The following CAPN13 variants were observed in gnomAD, a reference collection of about 807,000 sequenced individuals.
CAPN13 encodes calpain-13.
In CAPN13, 90 loss-of-function variants were observed where a neutral mutation model predicts 98.4. That is an observed-to-expected ratio of 0.92 (90% CI 0.77 to 1.09). CAPN13 has a LOEUF of 1.09. Ranked by LOEUF, CAPN13 falls within the 50% of genes least tolerant of loss-of-function variation. CAPN13 has a pLI of 0.00. For synonymous variants in CAPN13, 330 were observed against 305.5 expected, an observed-to-expected ratio of 1.08 and a Z score of -0.84; for missense variants, 887 against 841.3, an observed-to-expected ratio of 1.05 and a Z score of -0.67.
chr2:30,757,295 A>G (rs564520815), intron 8 of CAPN13, among the ~76,000 whole-genome samples: 26 of 152,142 alleles, frequency 1.7e-4, no homozygotes, highest in Admixed American at 4.6e-4. Context: ...TGTCTCTTTC[A>G]TAGTCAGCAA....
chr2:30,734,446 T>A lies in CAPN13; in HGVS notation c.1798+3A>T. On this transcript the variant is annotated splice_donor_region_variant and intron_variant, in intron 19 of 22. Coordinates refer to ENST00000295055, the MANE Select transcript of CAPN13 (RefSeq NM_144575.3). The stretch of plus-strand genomic sequence containing the variant: ...CACCACAGCTCCAAAGTCCCCATTG[T>A]ACCTGTATTCTCTATGGCCTTCCAC... 1 of 1,612,766 alleles carries A rather than the reference T, an allele frequency of 6.2e-7. No homozygotes were observed. The highest frequency in any genetic ancestry group is 8.5e-7 in the Non-Finnish European group (1 of 1,178,864).
At chr2:30,767,907 T>G (rs905643495) in intron 5 of CAPN13, among the ~76,000 whole-genome samples, 3 of 152,006 alleles carry the variant, frequency 2.0e-5, no homozygotes, top group African/African-American at 7.2e-5. Flanking sequence ...CCTGGCCAGG[T>G]GAGTAAAGAC....
intron 2 of CAPN13, among the ~76,000 whole-genome samples, chr2:30,780,551 T>G (rs1673933943): frequency 6.7e-6 from 1 of 148,376 alleles, no homozygotes; most frequent in African/African-American, 2.5e-5. Context: ...ACAATAAAAG[T>G]TAAAAACAAA....
At chr2:30,800,632 G>GT (rs1444672551) in intron 1 of CAPN13, among the ~76,000 whole-genome samples, 2 of 152,196 alleles carry the variant, frequency 1.3e-5, no homozygotes, top group Non-Finnish European at 2.9e-5. Context: ...GTAAGATTCT[G>GT]TATTTCTGGA....
At chr2:30,757,472 C>T (rs1672512256) in intron 8 of CAPN13, among the ~76,000 whole-genome samples, 2 of 152,156 alleles carry the variant, frequency 1.3e-5, no homozygotes, top group Admixed American at 6.5e-5. Context: ...TCCCAGGCGC[C>T]GAGTACTCAT....
At chr2:30,804,710 C>G (rs6735205) in intron 1 of CAPN13, among the ~76,000 whole-genome samples, 115,154 of 152,074 alleles carry the variant, frequency 0.76, 44,379 homozygotes, top group African/African-American at 0.88. Flanking sequence ...ATTCTGCTCC[C>G]ATCTTTTGCA....
At chr2:30,738,900 C>T (rs541388386) in intron 15 of CAPN13, among the ~76,000 whole-genome samples, 4 of 151,824 alleles carry the variant, frequency 2.6e-5, no homozygotes, top group East Asian at 3.9e-4. Flanking sequence ...TGTGTGTGTG[C>T]GTGCACGTGT....
chr2:30,766,976 G>A (rs561860096), intron 5 of CAPN13, among the ~76,000 whole-genome samples: 162 of 152,336 alleles, frequency 1.1e-3, no homozygotes, highest in African/African-American at 3.8e-3. Context: ...TGGACAGATG[G>A]GCTCTCTACA....
In CAPN13 at chr2:30,776,096, C is replaced by T. The variant is rs1189259066; in HGVS notation, c.272-51G>A. On this transcript the variant is annotated intron_variant, in intron 3 of 22. Coordinates refer to ENST00000295055, the MANE Select transcript of CAPN13 (RefSeq NM_144575.3). ...GGCTGATTGGACACACTTGGAAACC[C>T]TCCCCCATAATTTCAAAGGTCCTTA... The T allele has an allele frequency of 4.0e-6, 5 of 1,243,734 alleles. No individual in the cohort carries two copies. The East Asian group carries it at 7.3e-5, about 18-fold the overall frequency. The allele number at this position is 1,243,734 out of a possible 1,614,324, so 77.0% of individuals were successfully genotyped here. A position where few individuals can be genotyped will look rare whatever the true frequency, so the allele number is the denominator to read the frequency against.
At chr2:30,741,102 T>G (rs1210423065) in intron 15 of CAPN13, among the ~76,000 whole-genome samples, 1 of 152,190 alleles carries the variant, frequency 6.6e-6, no homozygotes. Context: ...GCCCAGATGG[T>G]GGACCTGGAT....
intron 14 of CAPN13, 68 bp from the exon 15 acceptor site, chr2:30,742,032 G>T: frequency 1.4e-6 from 2 of 1,411,172 alleles, no homozygotes; most frequent in Non-Finnish European, 2.0e-6. Context: ...GGTACAGCAA[G>T]GGTGCAACAA....
chr2:30,775,235 A>G (rs893721585), intron 4 of CAPN13, among the ~76,000 whole-genome samples: 1 of 152,140 alleles, frequency 6.6e-6, no homozygotes, highest in African/African-American at 2.4e-5. Flanking sequence ...AAATGAGGGG[A>G]AAAAGACCTC....
intron 11 of CAPN13, chr2:30,746,772 C>G (rs985112797): frequency 2.5e-5 from 4 of 157,890 alleles, no homozygotes; most frequent in Admixed American, 1.9e-4. Flanking sequence ...CACTCATGCT[C>G]TGTGTGAGGT....
intron 12 of CAPN13, among the ~76,000 whole-genome samples, chr2:30,744,170 C>G (rs1001325902): frequency 6.6e-6 from 1 of 152,168 alleles, no homozygotes; most frequent in Non-Finnish European, 1.5e-5. Context: ...ATAATGAAAA[C>G]CCCTTGCTAA....
chr2:30,786,415 A>T (rs1674284507), intron 2 of CAPN13, among the ~76,000 whole-genome samples: 2 of 152,126 alleles, frequency 1.3e-5, no homozygotes, highest in South Asian at 4.1e-4. Flanking sequence ...CAGAATGTTG[A>T]GTCAGCTGAG....
rs1022818380 is a variant in CAPN13, at chr2:30,787,035, T to C, written c.198+93A>G. The C allele has an allele frequency of 3.3e-6, 3 of 898,992 alleles. No individual in the cohort carries two copies. The African/African-American group carries it at 5.1e-5, about 15-fold the overall frequency. 55.7% of individuals were successfully genotyped at this position (898,992 alleles called of 1,614,324 possible). A position where few individuals can be genotyped will look rare whatever the true frequency, so the allele number is the denominator to read the frequency against. ...TGGTGAATTTCATTCTCCTTCCAGT[T>C]TGGTTTGGCTCCACCTCCTTTTGGC... On this transcript the variant is annotated intron_variant, in intron 2 of 22. Transcript: ENST00000295055.
Position 30,738,475 on chromosome 2 carries a change from G to C in CAPN13, c.1537-18C>G. 1 of 1,592,766 alleles carries C rather than the reference G, an allele frequency of 6.3e-7. No individual in the cohort carries two copies. The highest frequency in any genetic ancestry group is 8.6e-7 in the Non-Finnish European group (1 of 1,169,088). On this transcript the variant is annotated intron_variant, in intron 15 of 22. Coordinates refer to ENST00000295055, the MANE Select transcript of CAPN13 (RefSeq NM_144575.3). ...TCCAGCCTCTGATCCAAACAAGGAA[G>C]GAATGCAGGAATTATATCAGTGCCA...
intron 6 of CAPN13, 137 bp downstream of exon 6, chr2:30,763,995 A>C: frequency 1.6e-5 from 13 of 800,854 alleles, no homozygotes; most frequent in Non-Finnish European, 2.0e-5. Flanking sequence ...CAATGGGGTG[A>C]CCCGGGTAAA....
chr2:30,755,211 C>T (rs1312960382), intron 8 of CAPN13, among the ~76,000 whole-genome samples: 7 of 152,090 alleles, frequency 4.6e-5, no homozygotes, highest in African/African-American at 1.7e-4. Flanking sequence ...TGCTCTTACT[C>T]ATCTTTCCTC....
Sources: gnomAD v4.1 joint callset for allele counts (sites outside exome capture counted in the v4.1 genomes callset) on GRCh38, gnomAD v4.1.1 for gene constraint, MANE v1.5 for transcripts, NCBI Gene and HGNC (gene_info 2026-07-23, HGNC 2026-07-21) for gene names.